The following PTPRN2 variants were observed in gnomAD, a reference collection of about 807,000 sequenced individuals.
PTPRN2 encodes protein tyrosine phosphatase receptor type N2, also known as receptor-type tyrosine-protein phosphatase N2.
Under a neutral mutation model 118.8 loss-of-function variants are expected in PTPRN2, and 74 were observed. That is an observed-to-expected ratio of 0.62 (90% CI 0.52 to 0.76). PTPRN2 has a LOEUF of 0.76. Among genes scored for constraint, PTPRN2 ranks in the 30% least tolerant of loss-of-function variants. The pLI, the probability that PTPRN2 is intolerant of heterozygous loss-of-function variation, is 0.00. For missense variants in PTPRN2, 1,481 were observed against 1,394.4 expected, an observed-to-expected ratio of 1.06 and a Z score of -0.99; for synonymous variants, 641 against 608.0, an observed-to-expected ratio of 1.05 and a Z score of -0.80.
At chr7:158,561,218 T>C (rs1386521909) in intron 1 of PTPRN2, among the ~76,000 whole-genome samples, 1 of 152,264 alleles carries the variant, frequency 6.6e-6, no homozygotes, top group Non-Finnish European at 1.5e-5. Flanking sequence ...CCAATGATTC[T>C]AGAAGTAATA....
chr7:157,758,034 G>A (rs1470503154), intron 12 of PTPRN2, among the ~76,000 whole-genome samples: 5 of 152,260 alleles, frequency 3.3e-5, no homozygotes, highest in Admixed American at 3.3e-4. Flanking sequence ...TTTGCGGGAG[G>A]GACAGCCTTG....
At chr7:157,800,727 C>CGGAT (rs1805216862) in intron 12 of PTPRN2, among the ~76,000 whole-genome samples, 1 of 151,734 alleles carries the variant, frequency 6.6e-6, no homozygotes, top group African/African-American at 2.4e-5. Context: ...CCGAGGCGGG[C>CGGAT]GGATCACGAG....
At chr7:158,491,511 T>G (rs1038720306) in intron 1 of PTPRN2, among the ~76,000 whole-genome samples, 1 of 152,260 alleles carries the variant, frequency 6.6e-6, no homozygotes, top group African/African-American at 2.4e-5. Flanking sequence ...TTTTTTTTGA[T>G]GGAGTCTTGC....
At chr7:157,746,793 G>C (rs1800971598) in intron 12 of PTPRN2, among the ~76,000 whole-genome samples, 1 of 152,148 alleles carries the variant, frequency 6.6e-6, no homozygotes, top group African/African-American at 2.4e-5. Context: ...GAGCAGTTGA[G>C]GGGGATGGTG....
chr7:157,833,232 G>A (rs1412890384), intron 12 of PTPRN2, among the ~76,000 whole-genome samples: 1 of 150,070 alleles, frequency 6.7e-6, no homozygotes, highest in Non-Finnish European at 1.5e-5. Flanking sequence ...GCGAGATGTG[G>A]CCGGTGCCCA....
At chr7:157,817,059 G>A (rs1351305803) in intron 12 of PTPRN2, among the ~76,000 whole-genome samples, 1 of 152,212 alleles carries the variant, frequency 6.6e-6, no homozygotes, top group Non-Finnish European at 1.5e-5. Context: ...CGCTGCTCAA[G>A]GTGGAGGGAG....
chr7:157,928,943 G>A (rs144864443), intron 11 of PTPRN2, among the ~76,000 whole-genome samples: 4 of 152,182 alleles, frequency 2.6e-5, no homozygotes, highest in Non-Finnish European at 5.9e-5. Context: ...CACAAGGCAG[G>A]ACAGGCTGCA....
intron 3 of PTPRN2, among the ~76,000 whole-genome samples, chr7:158,296,696 G>C (rs1008369229): frequency 7.2e-5 from 11 of 152,218 alleles, no homozygotes; most frequent in African/African-American, 2.4e-4. Flanking sequence ...GGAGCAGTGG[G>C]GCACTGAAGA....
chr7:158,066,371 G>A (rs1007241082), intron 11 of PTPRN2, among the ~76,000 whole-genome samples: 1 of 152,180 alleles, frequency 6.6e-6, no homozygotes, highest in East Asian at 1.9e-4. Flanking sequence ...GGCCAGGGCC[G>A]ACAGGCACAC....
intron 11 of PTPRN2, among the ~76,000 whole-genome samples, chr7:158,054,628 C>A (rs891463374): frequency 2.0e-5 from 3 of 152,194 alleles, no homozygotes; most frequent in Non-Finnish European, 2.9e-5. Context: ...CAGGAGAGGC[C>A]CTTTGGCGGG....
intron 3 of PTPRN2, among the ~76,000 whole-genome samples, chr7:158,229,214 G>T (rs1321238554): frequency 6.6e-6 from 1 of 151,960 alleles, no homozygotes; most frequent in African/African-American, 2.4e-5. Flanking sequence ...GACCTAGAAG[G>T]GGGAGAAAAA....
At chr7:158,169,794 C>T (rs148163831) in intron 5 of PTPRN2, among the ~76,000 whole-genome samples, 21 of 152,026 alleles carry the variant, frequency 1.4e-4, no homozygotes, top group South Asian at 4.2e-4. Context: ...GGGGTTCAAG[C>T]GACTCTCCTG....
chr7:158,150,429 C>T (rs925489514), intron 6 of PTPRN2, among the ~76,000 whole-genome samples: 6 of 152,182 alleles, frequency 3.9e-5, no homozygotes, highest in African/African-American at 7.2e-5. Flanking sequence ...CGAAAAGTGG[C>T]AGCTCTGCCG....
rs941911774 is a variant in PTPRN2 at position 157,547,943 on chromosome 7, TG to T, written c.2976+1002del. Among the ~76,000 whole-genome samples the T allele has an allele frequency of 2.6e-5, 4 of 152,210 alleles. No homozygotes were observed. The East Asian group carries it at 7.7e-4, about 29-fold the overall frequency. On this transcript the variant is annotated intron_variant, in intron 22 of 22. Transcript: ENST00000389418. ...GTGTCCTGCTCCAGGGGAAGCTCCC[TG>T]GGGGGGCGCGTAGGGCATCGCTGGG...
intron 2 of PTPRN2, among the ~76,000 whole-genome samples, chr7:158,449,060 G>C (rs953762131): frequency 6.6e-6 from 1 of 152,194 alleles, no homozygotes; most frequent in Non-Finnish European, 1.5e-5. Context: ...TGTGGGACTC[G>C]GCACCACCTG....
chr7:158,510,790 G>A lies in PTPRN2; in HGVS notation c.113-21005C>T, dbSNP rs188589479. Among the ~76,000 whole-genome samples the A allele has an allele frequency of 1.4e-4, 21 of 152,288 alleles. 1 individual carries two copies. The highest frequency in any genetic ancestry group is 9.1e-4 in the Admixed American group (14 of 15,302). On this transcript the variant is annotated intron_variant, in intron 1 of 22. Transcript: ENST00000389418. The stretch of plus-strand genomic sequence containing the variant: ...AATGTAAAGAATAAGCCGACAGGTC[G>A]GATGTGAATGTAAAGAATAAGCCGA...
chr7:157,643,705 C>T (rs1337438335), intron 14 of PTPRN2, among the ~76,000 whole-genome samples: 1 of 152,262 alleles, frequency 6.6e-6, no homozygotes, highest in Non-Finnish European at 1.5e-5. Context: ...CCCCTGCAGA[C>T]ACCCGCACCC....
intron 11 of PTPRN2, among the ~76,000 whole-genome samples, chr7:157,949,403 C>G (rs1052053094): frequency 2.6e-5 from 4 of 152,164 alleles, no homozygotes; most frequent in African/African-American, 9.7e-5. Flanking sequence ...TCATCTATTC[C>G]CTATTTATTT....
chr7:157,878,598 A>G (rs1240902293), intron 12 of PTPRN2, among the ~76,000 whole-genome samples: 7 of 108,404 alleles, frequency 6.5e-5, no homozygotes, highest in African/African-American at 1.1e-4. Flanking sequence ...CTCAGATTCC[A>G]TGGGGCTGGA....
Sources: allele counts gnomAD v4.1 joint callset (sites outside exome capture counted in the v4.1 genomes callset), GRCh38; gene constraint gnomAD v4.1.1; transcripts MANE v1.5; gene names NCBI Gene and HGNC (gene_info 2026-07-23, HGNC 2026-07-21).